Variants in PTPRD observed in about 807,000 individuals in gnomAD.
PTPRD encodes receptor-type tyrosine-protein phosphatase delta.
Under a neutral mutation model 214.5 loss-of-function variants are expected in PTPRD, and 34 were observed. The ratio of observed to expected loss-of-function variants is 0.16; its 90% CI spans 0.12 to 0.21. The LOEUF (loss-of-function observed/expected upper bound fraction) is 0.21, where lower values mean the gene tolerates loss of function less well. PTPRD is among the 10% of genes least tolerant of loss of function. The pLI, the probability that PTPRD is intolerant of heterozygous loss-of-function variation, is 1.00. For missense variants in PTPRD, 2,545 were observed against 2,398.7 expected (o/e 1.06, Z -1.27); for synonymous variants, 1,128 against 845.7 (o/e 1.33, Z -5.79).
intron 8 of PTPRD, among the ~76,000 whole-genome samples, chr9:9,493,190 G>A (rs2095999489): frequency 6.6e-6 from 1 of 151,726 alleles, no homozygotes; most frequent in Non-Finnish European, 1.5e-5. Flanking sequence ...AAATCCTAAG[G>A]CCCTTAAGAA....
At chr9:9,273,919 T>A (rs546190683) in intron 9 of PTPRD, among the ~76,000 whole-genome samples, 21 of 151,434 alleles carry the variant, frequency 1.4e-4, no homozygotes, top group African/African-American at 4.8e-4. Context: ...TAAAGGAAAT[T>A]TCATAGACTT....
chr9:9,962,088 C>A (rs973718812), intron 4 of PTPRD, among the ~76,000 whole-genome samples: 2 of 152,002 alleles, frequency 1.3e-5, no homozygotes, highest in Non-Finnish European at 2.9e-5. Context: ...TGCAGAACAT[C>A]CTGGGTCTTG....
In PTPRD at chr9:9,479,297, G is replaced by A. The variant is rs1320880998; in HGVS notation, c.-236-81815C>T. On this transcript the variant is annotated intron_variant, in intron 8 of 45. Transcript: ENST00000381196. ...CTAGTGTGTTTCATCTCCATTTTCA[G>A]GAAAGCAAATAAAAACATCTCATGC... is the stretch of plus-strand genomic sequence containing the variant. Among the ~76,000 whole-genome samples the A allele has an allele frequency of 2.5e-5, 3 of 122,058 alleles. No individual in the cohort carries two copies. The East Asian group carries it at 7.9e-4, about 32-fold the overall frequency. 80.1% of individuals were successfully genotyped at this position (122,058 alleles called of 152,430 possible).
At chr9:10,420,921 G>A (rs1049568227) in intron 2 of PTPRD, among the ~76,000 whole-genome samples, 4 of 151,622 alleles carry the variant, frequency 2.6e-5, no homozygotes, top group Non-Finnish European at 5.9e-5. Context: ...TACAGAAATT[G>A]TCTCATGCTT....
intron 6 of PTPRD, among the ~76,000 whole-genome samples, chr9:9,741,868 G>C (rs1208249689): frequency 6.6e-6 from 1 of 152,020 alleles, no homozygotes; most frequent in Non-Finnish European, 1.5e-5. Flanking sequence ...ATGGGCATTT[G>C]GGTTGGTTCC....
intron 20 of PTPRD, among the ~76,000 whole-genome samples, chr9:8,518,863 A>T (rs556205231): frequency 4.4e-4 from 52 of 119,370 alleles, no homozygotes; most frequent in African/African-American, 1.6e-3. Flanking sequence ...GGAACCCACA[A>T]AAAAACCTTA....
intron 10 of PTPRD, among the ~76,000 whole-genome samples, chr9:9,087,728 C>A (rs1439963600): frequency 6.6e-6 from 1 of 151,894 alleles, no homozygotes; most frequent in Non-Finnish European, 1.5e-5. Flanking sequence ...GTAATTTTTC[C>A]AAAGTTAAAT....
At chr9:9,579,607 G>T (rs996974043) in intron 7 of PTPRD, among the ~76,000 whole-genome samples, 7 of 151,874 alleles carry the variant, frequency 4.6e-5, no homozygotes, top group African/African-American at 1.7e-4. Flanking sequence ...CCTCTAACAG[G>T]CCCTAGTAAG....
At chr9:8,717,605 T>G (rs867921409) in intron 12 of PTPRD, among the ~76,000 whole-genome samples, 27 of 152,216 alleles carry the variant, frequency 1.8e-4, no homozygotes, top group South Asian at 8.3e-4. Flanking sequence ...GGTTCCCTAG[T>G]AATTTGTAAT....
At chr9:10,120,062 A>T (rs552702517) in intron 3 of PTPRD, among the ~76,000 whole-genome samples, 1 of 152,186 alleles carries the variant, frequency 6.6e-6, no homozygotes, top group South Asian at 2.1e-4. Context: ...GCAATCTGCA[A>T]TAAGCCACCC....
chr9:9,505,746 T>G (rs762242074), intron 8 of PTPRD, among the ~76,000 whole-genome samples: 3 of 151,540 alleles, frequency 2.0e-5, no homozygotes, highest in Non-Finnish European at 4.4e-5. Flanking sequence ...CTCATCTACT[T>G]AAAAATGTTT....
intron 11 of PTPRD, among the ~76,000 whole-genome samples, chr9:8,756,222 G>A (rs146289972): frequency 1.1e-3 from 167 of 152,200 alleles, no homozygotes; most frequent in African/African-American, 3.8e-3. Flanking sequence ...CCCCTTCTCT[G>A]CCTCTAGTTT....
intron 18 of PTPRD, 173 bp downstream of exon 18, chr9:8,524,752 G>A: frequency 2.7e-6 from 2 of 750,924 alleles, no homozygotes; most frequent in Non-Finnish European, 4.9e-6. Context: ...GTCTTTTGGA[G>A]TTAAACAACA....
chr9:10,248,877 T>A (rs1339903603), intron 3 of PTPRD, among the ~76,000 whole-genome samples: 1 of 93,554 alleles, frequency 1.1e-5, no homozygotes, highest in East Asian at 4.3e-4. Context: ...TGATATTTTA[T>A]CTTTTTTTTA....
intron 12 of PTPRD, among the ~76,000 whole-genome samples, chr9:8,686,177 T>A (rs2097677597): frequency 6.6e-6 from 1 of 152,198 alleles, no homozygotes; most frequent in South Asian, 2.1e-4. Flanking sequence ...AAAAATAAAG[T>A]TTGTCTGCTT....
intron 7 of PTPRD, among the ~76,000 whole-genome samples, chr9:9,637,159 T>C (rs2095797977): frequency 6.6e-6 from 1 of 152,148 alleles, no homozygotes; most frequent in Admixed American, 6.6e-5. Flanking sequence ...ATTGAGATCA[T>C]AGCACTCCAC....
chr9:9,016,237 A>G (rs1476213962), intron 11 of PTPRD, among the ~76,000 whole-genome samples: 1 of 152,132 alleles, frequency 6.6e-6, no homozygotes, highest in African/African-American at 2.4e-5. Flanking sequence ...ACCAGTGTGG[A>G]TAAAATTACT....
chr9:8,434,383 A>G (rs1005510326), intron 35 of PTPRD, among the ~76,000 whole-genome samples: 1 of 152,228 alleles, frequency 6.6e-6, no homozygotes, highest in Non-Finnish European at 1.5e-5. Context: ...GCCTAGAAGC[A>G]ATGGGCTATA....
At chr9:8,714,919 C>T (rs539233871) in intron 12 of PTPRD, among the ~76,000 whole-genome samples, 24 of 151,892 alleles carry the variant, frequency 1.6e-4, no homozygotes, top group African/African-American at 5.3e-4. Context: ...TTAGAGCCCC[C>T]TAGAATGCGA....
Sources: allele counts gnomAD v4.1 joint callset (sites outside exome capture counted in the v4.1 genomes callset), GRCh38; gene constraint gnomAD v4.1.1; transcripts MANE v1.5; gene names NCBI Gene and HGNC (gene_info 2026-07-23, HGNC 2026-07-21).